CDKL1: variants seen among roughly 807,000 people sequenced by gnomAD.
CDKL1 encodes cyclin dependent kinase like 1.
CDKL1 carries 41 observed loss-of-function variants against 42.0 expected under a neutral mutation model. That is an observed-to-expected ratio of 0.98 (90% CI 0.76 to 1.27). The LOEUF is 1.27. Ranked by LOEUF, CDKL1 falls within the 50% of genes most tolerant of loss-of-function variation. The pLI is 0.00. For synonymous variants in CDKL1, 153 were observed against 158.6 expected, an observed-to-expected ratio of 0.96 and a Z score of 0.26; for missense variants, 394 against 428.4, an observed-to-expected ratio of 0.92 and a Z score of 0.71.
At chr14:50,336,109 C>T (rs2033257872) in intron 7 of CDKL1, 1 of 1,366,060 alleles carries the variant, frequency 7.3e-7, no homozygotes, top group African/African-American at 1.5e-5. Flanking sequence ...GCAACAATGT[C>T]TGGATGAGGC....
intron 2 of CDKL1, among the ~76,000 whole-genome samples, chr14:50,374,234 TA>T (rs2034665711): frequency 6.6e-6 from 1 of 152,114 alleles, no homozygotes; most frequent in African/African-American, 2.4e-5. Flanking sequence ...ACAGAGACAG[TA>T]AAAACAATAA....
At chr14:50,330,260 G>A in intron 9 of CDKL1, 79 bp from the exon 10 acceptor site, 1 of 1,512,770 alleles carries the variant, frequency 6.6e-7, no homozygotes, top group Non-Finnish European at 8.8e-7. Context: ...TCACAAAAGA[G>A]GTAATTAAGC....
chr14:50,329,811 G>A lies in CDKL1; in HGVS notation c.*263C>T. The A allele has an allele frequency of 2.5e-6, 1 of 396,312 alleles. No homozygotes were observed. The highest frequency in any genetic ancestry group is 4.6e-6 in the Non-Finnish European group (1 of 218,700). The allele number at this position is 396,312 out of a possible 1,614,324, so 24.5% of individuals were successfully genotyped here. On this transcript the variant is annotated 3_prime_UTR_variant, in exon 10 of 10. Transcript: ENST00000395834. The stretch of plus-strand genomic sequence containing the variant: ...AGAGGTATGGGACAGTTCATATTCT[G>A]TCCATAAGTTCGGCTACTTACATAA...
chr14:50,342,920 C>A, intron 4 of CDKL1: 1 of 1,344,828 alleles, frequency 7.4e-7, no homozygotes. Flanking sequence ...TGGGGAGAGT[C>A]GCTAGATGTC....
intron 2 of CDKL1, among the ~76,000 whole-genome samples, chr14:50,379,667 G>A (rs956206036): frequency 6.6e-6 from 1 of 152,164 alleles, no homozygotes; most frequent in African/African-American, 2.4e-5. Flanking sequence ...AAGGACAGCT[G>A]GCTCATGTGT....
intron 7 of CDKL1, among the ~76,000 whole-genome samples, chr14:50,335,117 GTCTGTC>G (rs1217284987): frequency 3.8e-5 from 1 of 26,566 alleles, no homozygotes; most frequent in Admixed American, 3.7e-4. Context: ...ATGAAACCCT[GTCTGTC>G]TCTCTAAAAA....
intron 2 of CDKL1, among the ~76,000 whole-genome samples, chr14:50,388,523 C>T (rs117236142): frequency 0.012 from 1,781 of 152,286 alleles, 21 homozygotes; most frequent in South Asian, 0.018. Flanking sequence ...CTCCGTTGGC[C>T]GTTGGCCACA....
intron 7 of CDKL1, among the ~76,000 whole-genome samples, chr14:50,336,837 C>T (rs2033304449): frequency 6.8e-6 from 1 of 148,112 alleles, no homozygotes; most frequent in South Asian, 2.2e-4. Flanking sequence ...TGATATATAT[C>T]CTTGCAGCCA....
intron 3 of CDKL1, among the ~76,000 whole-genome samples, chr14:50,347,291 C>T (rs2033758961): frequency 6.6e-6 from 1 of 151,844 alleles, no homozygotes; most frequent in Non-Finnish European, 1.5e-5. Flanking sequence ...AAGGGAGTTA[C>T]AACTATAAAA....
chr14:50,396,846 G>C lies in CDKL1; in HGVS notation c.-484C>G, dbSNP rs1160189854. On this transcript the variant is annotated 5_prime_UTR_variant, in exon 1 of 10. Coordinates refer to ENST00000395834, the MANE Select transcript of CDKL1 (RefSeq NM_004196.7). ...CACGGCGCCGCGGCGGTCAGGGACG[G>C]GCCTGGCTCCCGCCTCGCCTTCTTC... 5.2e-6 allele frequency: 1 copy of C among 191,576 alleles called. No individual in the cohort carries two copies. The highest frequency in any genetic ancestry group is 1.0e-5 in the Non-Finnish European group (1 of 96,620). The allele number at this position is 191,576 out of a possible 1,614,324, so 11.9% of individuals were successfully genotyped here. A position where few individuals can be genotyped will look rare whatever the true frequency, so the allele number is the denominator to read the frequency against.
chr14:50,385,540 T>C (rs1478274979), intron 2 of CDKL1, among the ~76,000 whole-genome samples: 1 of 151,878 alleles, frequency 6.6e-6, no homozygotes, highest in Non-Finnish European at 1.5e-5. Context: ...GCGTGGTGGC[T>C]CACACCTGTA....
chr14:50,384,275 C>T (rs2035007797), intron 2 of CDKL1, among the ~76,000 whole-genome samples: 1 of 152,174 alleles, frequency 6.6e-6, no homozygotes, highest in Admixed American at 6.5e-5. Context: ...TCCCTAAGGC[C>T]CCAAACTGGC....
At chr14:50,385,070 C>CAAAAA (rs55719234) in intron 2 of CDKL1, among the ~76,000 whole-genome samples, 14 of 93,552 alleles carry the variant, frequency 1.5e-4, no homozygotes, top group South Asian at 4.6e-4. Flanking sequence ...GACTCTGTCT[C>CAAAAA]AAAAAAAAAA....
intron 2 of CDKL1, chr14:50,376,255 T>A (rs1280860108): frequency 1.2e-5 from 5 of 408,588 alleles, no homozygotes. Flanking sequence ...ATGGGAACTC[T>A]ACTATCTTCT....
intron 9 of CDKL1, chr14:50,331,807 T>G (rs962555843): frequency 1.8e-6 from 1 of 558,146 alleles, no homozygotes. Flanking sequence ...CCAAAAGCAC[T>G]CATCACTGTA....
chr14:50,347,804 G>C lies in CDKL1; in HGVS notation c.291-2746C>G, dbSNP rs528954932. On this transcript the variant is annotated intron_variant, in intron 3 of 9. Coordinates refer to ENST00000395834, the MANE Select transcript of CDKL1 (RefSeq NM_004196.7). ...TTAAGGAGTGAATCCAGCTAAAGAAGAGGAGCTCGGAAGGAAGCTGTGAGA... is the reference window on the plus strand; with the variant it reads ...TTAAGGAGTGAATCCAGCTAAAGAACAGGAGCTCGGAAGGAAGCTGTGAGA... 2.6e-5 allele frequency among the ~76,000 whole-genome samples: 4 copies of C among 152,274 alleles called. No homozygotes were observed. The East Asian group carries it at 7.7e-4, about 29-fold the overall frequency.
chr14:50,395,721 G>A lies in CDKL1; in HGVS notation c.148C>T (p.Arg50Trp), dbSNP rs1211043428. The change falls in exon 2 of 10, where the codon CGG becomes TGG. Residue 50 changes from arginine (R) to tryptophan (W), a missense_variant. Transcript: ENST00000395834. ...ATTACCTTGAGCATTCGGATTTCCCGAAGGGCAATTTTCTTTATGACAGGG... is the reference window on the plus strand; with the variant it reads ...ATTACCTTGAGCATTCGGATTTCCCAAAGGGCAATTTTCTTTATGACAGGG... ...DDPVIKKIAL[R>W]EIRMLKQLKH... The A allele has an allele frequency of 6.8e-6, 11 of 1,611,620 alleles. No individual in the cohort carries two copies. The highest frequency in any genetic ancestry group is 2.7e-5 in the African/African-American group (2 of 74,772).
At chr14:50,354,649 C>A (rs1263895178) in intron 3 of CDKL1, among the ~76,000 whole-genome samples, 1 of 152,092 alleles carries the variant, frequency 6.6e-6, no homozygotes, top group African/African-American at 2.4e-5. Flanking sequence ...AAAACATAAA[C>A]CTAAGCACTG....
chr14:50,348,497 C>A (rs1349634920), intron 3 of CDKL1, among the ~76,000 whole-genome samples: 1 of 152,202 alleles, frequency 6.6e-6, no homozygotes, highest in Non-Finnish European at 1.5e-5. Context: ...ATACAAAATG[C>A]TGAATGCTGG....
Sources: allele counts gnomAD v4.1 joint callset (sites outside exome capture counted in the v4.1 genomes callset), GRCh38; gene constraint gnomAD v4.1.1; transcripts MANE v1.5; gene names NCBI Gene and HGNC (gene_info 2026-07-23, HGNC 2026-07-21).